Variants in PPP1R12A observed in about 807,000 individuals in gnomAD.
PPP1R12A encodes the protein protein phosphatase 1 regulatory subunit 12A.
A neutral mutation model predicts 139.6 loss-of-function variants in PPP1R12A; 19 were observed. The observed-to-expected ratio is 0.14, with a 90% CI of 0.09 to 0.20. The LOEUF (loss-of-function observed/expected upper bound fraction) is 0.20, where lower values mean the gene tolerates loss of function less well. Among genes scored for constraint, PPP1R12A ranks in the 10% least tolerant of loss-of-function variants. The pLI is 1.00. For missense variants in PPP1R12A, 925 were observed against 1,211.5 expected, an observed-to-expected ratio of 0.76 and a Z score of 3.51; for synonymous variants, 427 against 420.6, an observed-to-expected ratio of 1.02 and a Z score of -0.19.
At chr12:79,833,134 G>A (rs1877635426) in intron 3 of PPP1R12A, among the ~76,000 whole-genome samples, 1 of 152,106 alleles carries the variant, frequency 6.6e-6, no homozygotes, top group Non-Finnish European at 1.5e-5. Context: ...GGCCAGGCGA[G>A]GTGGCTCACA....
At chr12:79,819,587 T>C (rs1223251635) in intron 8 of PPP1R12A, 1 of 152,182 alleles carries the variant, frequency 6.6e-6, no homozygotes, top group Non-Finnish European at 1.5e-5. Flanking sequence ...ATGATATACT[T>C]GACTACAGAC....
chr12:79,875,571 G>C (rs985029220), intron 1 of PPP1R12A, among the ~76,000 whole-genome samples: 1 of 152,096 alleles, frequency 6.6e-6, no homozygotes, highest in African/African-American at 2.4e-5. Context: ...TATTATCTCT[G>C]TACTCTAAAA....
intron 1 of PPP1R12A, among the ~76,000 whole-genome samples, chr12:79,897,158 T>C (rs1159254313): frequency 6.6e-6 from 1 of 152,040 alleles, no homozygotes; most frequent in African/African-American, 2.4e-5. Flanking sequence ...ATGGACTGGA[T>C]AAAGAAAACG....
chr12:79,805,781 A>G lies in PPP1R12A; in HGVS notation c.1824-13T>C, dbSNP rs1283590448. The G allele has an allele frequency of 6.2e-7, 1 of 1,600,476 alleles. No individual in the cohort carries two copies. Among genetic ancestry groups the G allele is most frequent in the East Asian group, 2.2e-5 (1 of 44,590 alleles). Reference sequence around the variant, plus strand: ...ACGATTTGAGGTACTATAGCATCATAAGCAGCAACACAAAAAAGAGAAAAG... The same window carrying G: ...ACGATTTGAGGTACTATAGCATCATGAGCAGCAACACAAAAAAGAGAAAAG... On this transcript the variant is annotated splice_polypyrimidine_tract_variant and intron_variant, in intron 13 of 24. Coordinates refer to ENST00000450142, the MANE Select transcript of PPP1R12A (RefSeq NM_002480.3).
rs762211875 is a variant in PPP1R12A at position 79,797,253 on chromosome 12, T to G, written c.2234A>C (p.Glu745Ala). ...QDKEKQEEKK[E>A]SETSREDEYK... ...TTCATCTTCTCTAGATGTTTCTGAC[T>G]CCTTCTTTTCTTCTTGTTTCTCTTT... Residue 745 changes from glutamate (E) to alanine (A), a missense_variant, in exon 16 of 25, where the codon GAG becomes GCG. Glu to Ala is a moderately radical substitution (Grantham distance 107). Coordinates refer to ENST00000450142, the MANE Select transcript of PPP1R12A (RefSeq NM_002480.3). 6.3e-7 allele frequency: 1 copy of G among 1,589,038 alleles called. No individual in the cohort carries two copies. The highest frequency in any genetic ancestry group is 2.3e-5 in the East Asian group (1 of 44,416).
At chr12:79,860,689 T>C (rs933556350) in intron 2 of PPP1R12A, among the ~76,000 whole-genome samples, 3 of 152,196 alleles carry the variant, frequency 2.0e-5, no homozygotes, top group Admixed American at 6.5e-5. Flanking sequence ...GGAACTAGTA[T>C]TTTACGTAAA....
chr12:79,879,256 A>G (rs900422015), intron 1 of PPP1R12A, among the ~76,000 whole-genome samples: 23 of 151,972 alleles, frequency 1.5e-4, no homozygotes, highest in Non-Finnish European at 3.1e-4. Flanking sequence ...GGCACATGCT[A>G]CTTGAGAGGC....
At chr12:79,898,695 T>C (rs1885355698) in intron 1 of PPP1R12A, among the ~76,000 whole-genome samples, 1 of 152,134 alleles carries the variant, frequency 6.6e-6, no homozygotes, top group Admixed American at 6.5e-5. Context: ...TATTTTGCCC[T>C]GTACTTTAGC....
At chr12:79,804,689 TA>T (rs1476338392) in intron 14 of PPP1R12A, among the ~76,000 whole-genome samples, 12 of 151,190 alleles carry the variant, frequency 7.9e-5, no homozygotes, top group African/African-American at 2.9e-4. Flanking sequence ...TTTGCAAGAA[TA>T]AAATATAAAA....
chr12:79,926,251 T>A (rs1174631860), intron 1 of PPP1R12A, among the ~76,000 whole-genome samples: 2 of 152,344 alleles, frequency 1.3e-5, no homozygotes, highest in East Asian at 3.9e-4. Flanking sequence ...AGAGGCATGA[T>A]CTCAGTTCAC....
In PPP1R12A at chr12:79,866,980, A is replaced by G. The variant is rs1457243209; in HGVS notation, c.368+5828T>C. ...AATCTCATTACTGGGTAGATACCCA[A>G]AGGATTATAAATCATCCTGCAATAA... On this transcript the variant is annotated intron_variant, in intron 2 of 24. Transcript: ENST00000450142. Among the ~76,000 whole-genome samples the G allele has an allele frequency of 2.0e-5, 3 of 152,328 alleles. No homozygotes were observed. The East Asian group carries it at 5.8e-4, about 29-fold the overall frequency.
At chr12:79,917,601 A>G (rs1209037532) in intron 1 of PPP1R12A, among the ~76,000 whole-genome samples, 1 of 152,060 alleles carries the variant, frequency 6.6e-6, no homozygotes, top group East Asian at 1.9e-4. Flanking sequence ...CTTTCTGTAC[A>G]CTACTACTTT....
chr12:79,800,191 GAAC>G (rs1235574272), intron 14 of PPP1R12A, among the ~76,000 whole-genome samples: 1 of 150,468 alleles, frequency 6.6e-6, no homozygotes, highest in African/African-American at 2.5e-5. Context: ...GTTGACTGCT[GAAC>G]AACACAAGTT....
intron 1 of PPP1R12A, among the ~76,000 whole-genome samples, chr12:79,873,553 C>G (rs1389074666): frequency 6.7e-6 from 1 of 149,710 alleles, no homozygotes; most frequent in Non-Finnish European, 1.5e-5. Flanking sequence ...GTAATCCCAT[C>G]TACTTGAGAG....
At chr12:79,924,229 A>C (rs1223255382) in intron 1 of PPP1R12A, among the ~76,000 whole-genome samples, 12 of 152,214 alleles carry the variant, frequency 7.9e-5, no homozygotes, top group African/African-American at 2.9e-4. Context: ...GTTAAACAGC[A>C]ATAGGCATTT....
At chr12:79,929,386 T>G (rs1356305600) in intron 1 of PPP1R12A, among the ~76,000 whole-genome samples, 1 of 152,086 alleles carries the variant, frequency 6.6e-6, no homozygotes, top group Non-Finnish European at 1.5e-5. Context: ...AGTAATTAAT[T>G]AGTGACTCAA....
At chr12:79,847,466 T>C (rs943488371) in intron 2 of PPP1R12A, among the ~76,000 whole-genome samples, 1 of 152,228 alleles carries the variant, frequency 6.6e-6, no homozygotes, top group African/African-American at 2.4e-5. Flanking sequence ...AATATTTAGA[T>C]ATATTTACTG....
At chr12:79,780,466 A>C (rs886271462) in intron 23 of PPP1R12A, 1 of 152,184 alleles carries the variant, frequency 6.6e-6, no homozygotes, top group Non-Finnish European at 1.5e-5. Context: ...TGTTAGAAAA[A>C]AAAAGTATCA....
intron 6 of PPP1R12A, among the ~76,000 whole-genome samples, chr12:79,821,882 C>A (rs1243054414): frequency 6.6e-6 from 1 of 151,842 alleles, no homozygotes; most frequent in Non-Finnish European, 1.5e-5. Context: ...AAACGTTATT[C>A]TTGAGGACAT....
Sources: allele counts gnomAD v4.1 joint callset (sites outside exome capture counted in the v4.1 genomes callset), GRCh38; gene constraint gnomAD v4.1.1; transcripts MANE v1.5; gene names NCBI Gene and HGNC (gene_info 2026-07-23, HGNC 2026-07-21).